SGCZ: variants seen among roughly 807,000 people sequenced by gnomAD.
SGCZ encodes zeta-sarcoglycan.
Under a neutral mutation model 41.3 loss-of-function variants are expected in SGCZ, and 40 were observed. The observed-to-expected ratio is 0.97, with a 90% CI of 0.75 to 1.26. SGCZ has a LOEUF of 1.26. Ranked by LOEUF, SGCZ falls within the 50% of genes most tolerant of loss-of-function variation. The pLI, the probability that SGCZ is intolerant of heterozygous loss-of-function variation, is 0.00. For synonymous variants in SGCZ, 206 were observed against 137.5 expected, an observed-to-expected ratio of 1.50 and a Z score of -3.49; for missense variants, 552 against 369.8, an observed-to-expected ratio of 1.49 and a Z score of -4.04.
intron 1 of SGCZ, among the ~76,000 whole-genome samples, chr8:15,044,407 G>A (rs1029735720): frequency 1.3e-5 from 2 of 152,088 alleles, no homozygotes; most frequent in Non-Finnish European, 1.5e-5. Context: ...CAGGCATCCT[G>A]TATGCAGTTT....
At chr8:14,357,788 A>C (rs1402458259) in intron 2 of SGCZ, among the ~76,000 whole-genome samples, 1 of 152,180 alleles carries the variant, frequency 6.6e-6, no homozygotes, top group East Asian at 1.9e-4. Context: ...GAAGATGAAG[A>C]ATATGCCTGA....
At chr8:15,022,800 ATG>A (rs1231451856) in intron 1 of SGCZ, among the ~76,000 whole-genome samples, 4 of 152,184 alleles carry the variant, frequency 2.6e-5, no homozygotes, top group African/African-American at 4.8e-5. Context: ...AAATAATTTT[ATG>A]TGTTATTTTA....
At chr8:14,529,643 C>T (rs1318574781) in intron 2 of SGCZ, among the ~76,000 whole-genome samples, 3 of 152,014 alleles carry the variant, frequency 2.0e-5, no homozygotes, top group Non-Finnish European at 2.9e-5. Context: ...AAGAGAAATT[C>T]CCTAGTTTTG....
intron 4 of SGCZ, among the ~76,000 whole-genome samples, chr8:14,188,798 T>G (rs74690391): frequency 0.026 from 3,522 of 136,852 alleles, 147 homozygotes; most frequent in African/African-American, 0.092. Context: ...AGATTTCTTG[T>G]TTTTTTTTTG....
chr8:14,517,820 T>C (rs1014338345), intron 2 of SGCZ, among the ~76,000 whole-genome samples: 1 of 151,856 alleles, frequency 6.6e-6, no homozygotes, highest in Non-Finnish European at 1.5e-5. Flanking sequence ...GATTTCCATT[T>C]ATATTTTGAT....
At chr8:15,131,525 T>C (rs1225050408) in intron 1 of SGCZ, among the ~76,000 whole-genome samples, 2 of 152,258 alleles carry the variant, frequency 1.3e-5, no homozygotes, top group Non-Finnish European at 2.9e-5. Context: ...GTTCCAAATA[T>C]ATCTTATGCG....
chr8:14,321,030 G>A (rs766937748), intron 3 of SGCZ, among the ~76,000 whole-genome samples: 2 of 152,024 alleles, frequency 1.3e-5, no homozygotes, highest in Non-Finnish European at 2.9e-5. Flanking sequence ...CTAAATTCCC[G>A]ATATTTGAAA....
chr8:15,016,136 T>G (rs889139524), intron 1 of SGCZ, among the ~76,000 whole-genome samples: 1 of 152,164 alleles, frequency 6.6e-6, no homozygotes, highest in East Asian at 1.9e-4. Context: ...GACTCTATTC[T>G]TTTGCAAAAT....
At chr8:14,537,954 C>G (rs563320589) in intron 2 of SGCZ, among the ~76,000 whole-genome samples, 1 of 151,970 alleles carries the variant, frequency 6.6e-6, no homozygotes, top group African/African-American at 2.4e-5. Flanking sequence ...TTTGTTTTAT[C>G]CATCACATAT....
chr8:14,973,301 T>G (rs1254783127), intron 1 of SGCZ, among the ~76,000 whole-genome samples: 1 of 152,082 alleles, frequency 6.6e-6, no homozygotes, highest in Non-Finnish European at 1.5e-5. Flanking sequence ...GGTGGGAGCT[T>G]AAGTTGTAGG....
At chr8:14,940,906 T>C (rs1350621652) in intron 1 of SGCZ, among the ~76,000 whole-genome samples, 2 of 151,982 alleles carry the variant, frequency 1.3e-5, no homozygotes, top group African/African-American at 4.8e-5. Flanking sequence ...CTCCTACAGA[T>C]TAATACGAAA....
intron 1 of SGCZ, among the ~76,000 whole-genome samples, chr8:14,872,343 G>A (rs890964016): frequency 6.6e-6 from 1 of 151,828 alleles, no homozygotes; most frequent in Non-Finnish European, 1.5e-5. Context: ...AGAAATATAA[G>A]CTATCTGTTA....
intron 2 of SGCZ, among the ~76,000 whole-genome samples, chr8:14,431,792 G>A (rs529767571): frequency 1.3e-5 from 2 of 152,202 alleles, no homozygotes; most frequent in East Asian, 1.9e-4. Context: ...ATCTGACAAT[G>A]GACTAATATC....
intron 1 of SGCZ, among the ~76,000 whole-genome samples, chr8:14,578,051 G>A (rs1035488191): frequency 5.3e-5 from 8 of 152,162 alleles, no homozygotes; most frequent in Admixed American, 2.6e-4. Context: ...CAATCCTTGT[G>A]CACCATTCCT....
chr8:14,694,767 A>C (rs1331996873), intron 1 of SGCZ, among the ~76,000 whole-genome samples: 2 of 152,154 alleles, frequency 1.3e-5, no homozygotes, highest in African/African-American at 4.8e-5. Flanking sequence ...ATTTATCAAA[A>C]ATGTTCTTTT....
At chr8:14,491,134 CT>C (rs34191955) in intron 2 of SGCZ, among the ~76,000 whole-genome samples, 72,353 of 151,658 alleles carry the variant, frequency 0.48, 17,346 homozygotes, top group Admixed American at 0.54. Flanking sequence ...GGTTTAGTTA[CT>C]TTTGACTATG....
intron 1 of SGCZ, among the ~76,000 whole-genome samples, chr8:15,236,439 T>G (rs1802121255): frequency 1.3e-5 from 2 of 150,364 alleles, no homozygotes; most frequent in African/African-American, 5.0e-5. Flanking sequence ...CTCCAGCGGG[T>G]GGGGGGGTGC....
intron 1 of SGCZ, among the ~76,000 whole-genome samples, chr8:14,801,729 G>A (rs780351320): frequency 1.3e-5 from 2 of 152,160 alleles, no homozygotes; most frequent in African/African-American, 4.8e-5. Context: ...AGATCATGTG[G>A]TCAACAAATT....
intron 1 of SGCZ, among the ~76,000 whole-genome samples, chr8:14,744,223 A>C (rs59931121): frequency 0.011 from 1,677 of 152,306 alleles, 21 homozygotes; most frequent in Middle Eastern, 0.027. Context: ...TGTTTTCTGC[A>C]GACTAAGCCT....
Sources: gnomAD v4.1 joint callset for allele counts (sites outside exome capture counted in the v4.1 genomes callset) on GRCh38, gnomAD v4.1.1 for gene constraint, MANE v1.5 for transcripts, NCBI Gene and HGNC (gene_info 2026-07-23, HGNC 2026-07-21) for gene names.